The following ARHGEF17 variants were observed in gnomAD, a reference collection of about 807,000 sequenced individuals.
ARHGEF17 encodes 164 kDa Rho-specific guanine-nucleotide exchange factor.
Under a neutral mutation model 174.0 loss-of-function variants are expected in ARHGEF17, and 80 were observed. That is an observed-to-expected ratio of 0.46 (90% confidence interval 0.38 to 0.55). ARHGEF17 has a LOEUF of 0.55. ARHGEF17 is among the 20% of genes least tolerant of loss of function. The pLI, the probability that ARHGEF17 is intolerant of heterozygous loss-of-function variation, is 0.00. For missense variants in ARHGEF17, 2,886 were observed against 2,839.7 expected (o/e 1.02, Z -0.37); for synonymous variants, 1,311 against 1,189.1 (o/e 1.10, Z -2.11).
chr11:73,328,761 C>T (rs184969530), intron 1 of ARHGEF17, among the ~76,000 whole-genome samples: 48 of 152,324 alleles, frequency 3.2e-4, no homozygotes, highest in Non-Finnish European at 8.8e-5. Context: ...GAACCTCGTC[C>T]TCTGTATGTA....
intron 1 of ARHGEF17, among the ~76,000 whole-genome samples, chr11:73,323,243 CT>C (rs1865044917): frequency 6.6e-6 from 1 of 152,184 alleles, no homozygotes; most frequent in Non-Finnish European, 1.5e-5. Flanking sequence ...AAAGAGCAGG[CT>C]TGGGCTGCCT....
chr11:73,323,496 C>A (rs1007466524), intron 1 of ARHGEF17, among the ~76,000 whole-genome samples: 1 of 152,222 alleles, frequency 6.6e-6, no homozygotes, highest in Non-Finnish European at 1.5e-5. Context: ...TCTGTGGCCC[C>A]GCAGCCCTGG....
At chr11:73,350,986 C>T (rs1347290775) in intron 2 of ARHGEF17, among the ~76,000 whole-genome samples, 2 of 152,214 alleles carry the variant, frequency 1.3e-5, no homozygotes, top group African/African-American at 4.8e-5. Flanking sequence ...TGCCAGGTTC[C>T]GTATTGGGCT....
At chr11:73,347,351 C>G (rs1054974117) in intron 2 of ARHGEF17, among the ~76,000 whole-genome samples, 1 of 152,142 alleles carries the variant, frequency 6.6e-6, no homozygotes, top group African/African-American at 2.4e-5. Flanking sequence ...GGCCCTGTTC[C>G]AGGTGCAGGA....
rs747079081 is a variant in ARHGEF17, at chr11:73,309,421, G to T, written c.783G>T (p.Leu261=). Reference sequence around the variant, plus strand: ...AGGAAGAGGAGGGCCCGCCGCAGCTGCCTGGAGCCCAGAGTCCGGCCTACC... The same window carrying T: ...AGGAAGAGGAGGGCCCGCCGCAGCTTCCTGGAGCCCAGAGTCCGGCCTACC... ...SEEEEEGPPQ[L]PGAQSPAYHG... is the part of the protein sequence containing the mutation. Residue 261 remains leucine (L), a synonymous_variant, in exon 1 of 21, where the codon CTG becomes CTT. Transcript: ENST00000263674. The T allele has an allele frequency of 1.3e-6, 2 of 1,548,198 alleles. No homozygotes were observed. The highest frequency in any genetic ancestry group is 1.7e-6 in the Non-Finnish European group (2 of 1,144,902).
At position 73,310,229 on chromosome 11, in the gene ARHGEF17, C is replaced by T. The variant is rs769389453; in HGVS notation, c.1591C>T (p.Arg531Cys). The change falls in exon 1 of 21, where the codon CGC (arginine) becomes TGC (cysteine). Residue 531 changes from arginine (R) to cysteine (C), a missense_variant. By Grantham distance (180) the Arg-to-Cys change is radical (BLOSUM62 -3). This residue lies in a region of ARHGEF17 where 1,728 missense variants were observed against 1,461.2 expected (regional missense o/e 1.18). Coordinates refer to ENST00000263674, the MANE Select transcript of ARHGEF17 (RefSeq NM_014786.4). ...CCCAGCCCCAGCATCACCTGGCACGCGCCCCACACTCAAGGACTTGACAGC... is the reference window on the plus strand; with the variant it reads ...CCCAGCCCCAGCATCACCTGGCACGTGCCCCACACTCAAGGACTTGACAGC... ...PIPAPASPGT[R>C]PTLKDLTATL... 8 of 1,614,008 alleles carry T rather than the reference C, an allele frequency of 5.0e-6. 1 individual carries two copies. Among genetic ancestry groups the T allele is most frequent in the South Asian group, 4.4e-5 (4 of 91,080 alleles).
intron 1 of ARHGEF17, among the ~76,000 whole-genome samples, chr11:73,346,009 A>G (rs998972734): frequency 4.6e-5 from 7 of 151,866 alleles, no homozygotes; most frequent in Non-Finnish European, 1.0e-4. Context: ...GCAGCAGGTA[A>G]GTTCAGTCCC....
chr11:73,337,424 AG>A (rs1219979051), intron 1 of ARHGEF17, among the ~76,000 whole-genome samples: 2 of 151,180 alleles, frequency 1.3e-5, no homozygotes, highest in African/African-American at 4.9e-5. Flanking sequence ...AAAAAAAAAA[AG>A]CATGTGAGAT....
intron 1 of ARHGEF17, among the ~76,000 whole-genome samples, chr11:73,323,959 C>T (rs969738681): frequency 6.6e-6 from 1 of 152,210 alleles, no homozygotes; most frequent in Non-Finnish European, 1.5e-5. Context: ...TGTCCTCTGT[C>T]CTTCTCCCTG....
At chr11:73,316,759 AG>A (rs1206038470) in intron 1 of ARHGEF17, among the ~76,000 whole-genome samples, 1 of 152,248 alleles carries the variant, frequency 6.6e-6, no homozygotes, top group Non-Finnish European at 1.5e-5. Context: ...GAGATGGGGC[AG>A]GTGCTGTTGG....
At chr11:73,358,347 T>C (rs1379001389) in intron 9 of ARHGEF17, among the ~76,000 whole-genome samples, 1 of 152,166 alleles carries the variant, frequency 6.6e-6, no homozygotes, top group Non-Finnish European at 1.5e-5. Context: ...GTGCCTTCTA[T>C]GTGTCCTCAC....
At position 73,356,207 on chromosome 11, in the gene ARHGEF17, G is replaced by C. The variant is rs141834340; in HGVS notation, c.3696G>C (p.Pro1232=). 2.2e-5 allele frequency: 35 copies of C among 1,613,828 alleles called. No homozygotes were observed. In the African/African-American group the frequency reaches 4.0e-4, roughly 18 times the overall value. ...TGAAGCATACACCTGAGGACCACCC[G>C]GACCATCCACTCCTGCTGGAGGCGC... ...DLLKHTPEDH[P]DHPLLLEAQR... Residue 1232 remains proline, a synonymous_variant, in exon 6 of 21, where the codon CCG becomes CCC. Transcript: ENST00000263674.
Position 73,362,071 on chromosome 11 carries a change from G to T in ARHGEF17, c.4526G>T (p.Cys1509Phe), listed in dbSNP as rs1197363868. The change falls in exon 13 of 21, where the codon TGC (cysteine) becomes TTC (phenylalanine). Residue 1509 changes from cysteine (C) to phenylalanine (F), a missense_variant. Physicochemically the swap from Cys to Phe is radical, Grantham distance 205. This residue lies in a region of ARHGEF17 where 476 missense variants were observed against 473.1 expected (regional missense o/e 1.01). Coordinates refer to ENST00000263674, the MANE Select transcript of ARHGEF17 (RefSeq NM_014786.4). ...TGTGCGGCTCCCACCCTGAACAGCT[G>T]CCCGGAGCCCTCGCCTGAGGTATGG... ...FSCAAPTLNS[C>F]PEPSPEVWVC... The T allele has an allele frequency of 1.9e-6, 3 of 1,612,842 alleles. No homozygotes were observed. The highest frequency in any genetic ancestry group is 2.5e-6 in the Non-Finnish European group (3 of 1,179,902).
At chr11:73,355,835 A>C (rs1359340689) in intron 4 of ARHGEF17, 26 bp from the exon 5 acceptor site, 5 of 1,613,558 alleles carry the variant, frequency 3.1e-6, no homozygotes, top group Non-Finnish European at 3.4e-6. Flanking sequence ...GTCATTCCTC[A>C]CATGATGCCC....
In ARHGEF17 at chr11:73,360,487, C is replaced by T; in HGVS notation, c.4374C>T (p.Ala1458=). The part of the protein sequence containing the change: ...SYIFEFPHPD[A]RLGFEQAFDE... ...TTTTTGAGTTCCCTCACCCTGACGC[C>T]CGCCTTGGTTTTGAACAGGCCTTCG... The change falls in exon 11 of 21, where the codon GCC becomes GCT. Residue 1458 remains alanine (A), a synonymous_variant. Transcript: ENST00000263674. The T allele has an allele frequency of 1.2e-6, 2 of 1,614,040 alleles. No individual in the cohort carries two copies. Among genetic ancestry groups the T allele is most frequent in the Non-Finnish European group, 1.7e-6 (2 of 1,180,054 alleles).
At chr11:73,349,426 C>G (rs998643783) in intron 2 of ARHGEF17, among the ~76,000 whole-genome samples, 3 of 152,086 alleles carry the variant, frequency 2.0e-5, no homozygotes, top group African/African-American at 7.2e-5. Flanking sequence ...ACCAGCCTAG[C>G]CAACGTGGTG....
intron 1 of ARHGEF17, among the ~76,000 whole-genome samples, chr11:73,336,896 A>G (rs551735363): frequency 1.1e-3 from 167 of 152,354 alleles, no homozygotes; most frequent in Non-Finnish European, 2.1e-3. Context: ...ATACCTACAC[A>G]TGGCCCCTGC....
intron 1 of ARHGEF17, among the ~76,000 whole-genome samples, chr11:73,325,418 A>G (rs548700700): frequency 6.6e-6 from 1 of 152,136 alleles, no homozygotes; most frequent in Non-Finnish European, 1.5e-5. Flanking sequence ...GCCCTGCTGG[A>G]GCCTGCGGGC....
At chr11:73,361,638 G>A (rs1393236150) in intron 12 of ARHGEF17, among the ~76,000 whole-genome samples, 1 of 152,132 alleles carries the variant, frequency 6.6e-6, no homozygotes. Flanking sequence ...AAGTTAGGAG[G>A]ATCACATGAA....
Sources: gnomAD v4.1 joint callset for allele counts (sites outside exome capture counted in the v4.1 genomes callset) on GRCh38, gnomAD v4.1.1 for gene constraint, gnomAD v4.1.1 regional missense constraint, MANE v1.5 for transcripts, NCBI Gene and HGNC (gene_info 2026-07-23, HGNC 2026-07-21) for gene names.